SGCZ: variants seen among roughly 807,000 people sequenced by gnomAD.
SGCZ encodes the protein zeta-sarcoglycan.
SGCZ carries 40 observed loss-of-function variants against 41.3 expected under a neutral mutation model. The ratio of observed to expected loss-of-function variants is 0.97; its 90% CI spans 0.75 to 1.26. SGCZ has a LOEUF of 1.26. SGCZ is among the 50% of genes most tolerant of loss of function. The probability of loss-of-function intolerance (pLI) is 0.00; values close to 1 mark genes in which losing one functional copy is unlikely to be tolerated. For missense variants in SGCZ, 552 were observed against 369.8 expected (o/e 1.49, Z -4.04); for synonymous variants, 206 against 137.5 (o/e 1.50, Z -3.49).
intron 2 of SGCZ, among the ~76,000 whole-genome samples, chr8:14,341,921 G>A (rs945434598): frequency 1.8e-4 from 28 of 152,130 alleles, no homozygotes; most frequent in African/African-American, 6.5e-4. Flanking sequence ...GGCTTTATCA[G>A]CAGTGTGAAA....
At chr8:15,137,027 A>G (rs1191977202) in intron 1 of SGCZ, among the ~76,000 whole-genome samples, 2 of 152,194 alleles carry the variant, frequency 1.3e-5, no homozygotes, top group African/African-American at 4.8e-5. Context: ...AAGATGTGGG[A>G]AAGTTTGTAA....
At chr8:14,521,912 G>A (rs749144850) in intron 2 of SGCZ, among the ~76,000 whole-genome samples, 14 of 152,054 alleles carry the variant, frequency 9.2e-5, no homozygotes, top group African/African-American at 2.9e-4. Flanking sequence ...GATGCTGTAC[G>A]TCAATTTAAG....
chr8:14,961,929 T>C (rs1341428276), intron 1 of SGCZ, among the ~76,000 whole-genome samples: 1 of 152,238 alleles, frequency 6.6e-6, no homozygotes, highest in Non-Finnish European at 1.5e-5. Context: ...CATAATTTAC[T>C]GTGGCTTCTG....
chr8:14,641,334 T>G (rs1468812474), intron 1 of SGCZ, among the ~76,000 whole-genome samples: 1 of 151,776 alleles, frequency 6.6e-6, no homozygotes, highest in Non-Finnish European at 1.5e-5. Context: ...ATGGATGCAT[T>G]ATTCAAGCTG....
chr8:14,150,565 A>G (rs757817900), intron 5 of SGCZ, among the ~76,000 whole-genome samples: 1 of 152,078 alleles, frequency 6.6e-6, no homozygotes, highest in Non-Finnish European at 1.5e-5. Flanking sequence ...CTTGTATACT[A>G]TTGGAGGGAA....
chr8:15,086,455 C>G (rs1274825557), intron 1 of SGCZ, among the ~76,000 whole-genome samples: 1 of 152,086 alleles, frequency 6.6e-6, no homozygotes, highest in East Asian at 1.9e-4. Flanking sequence ...TGATTCAATA[C>G]CTATTGAATA....
chr8:14,933,170 C>G (rs538934770), intron 1 of SGCZ, among the ~76,000 whole-genome samples: 1 of 151,992 alleles, frequency 6.6e-6, no homozygotes, highest in South Asian at 2.1e-4. Flanking sequence ...AATTGTACAG[C>G]AAACGTCAGA....
intron 1 of SGCZ, among the ~76,000 whole-genome samples, chr8:15,099,798 T>A (rs544618231): frequency 6.6e-6 from 1 of 152,184 alleles, no homozygotes; most frequent in African/African-American, 2.4e-5. Flanking sequence ...TGGTTCAACA[T>A]TGAAAAATAA....
intron 2 of SGCZ, among the ~76,000 whole-genome samples, chr8:14,500,841 G>T (rs7828975): frequency 6.6e-6 from 1 of 151,554 alleles, no homozygotes; most frequent in Non-Finnish European, 1.5e-5. Context: ...GTTTTCATAT[G>T]TAACTCTTAT....
intron 1 of SGCZ, among the ~76,000 whole-genome samples, chr8:15,051,773 G>A (rs1804523026): frequency 1.3e-5 from 2 of 152,060 alleles, no homozygotes. Flanking sequence ...AGCTCCCTAG[G>A]TAATTATACT....
intron 2 of SGCZ, among the ~76,000 whole-genome samples, chr8:14,429,098 T>C (rs955208244): frequency 1.3e-5 from 2 of 152,196 alleles, no homozygotes; most frequent in African/African-American, 4.8e-5. Context: ...TTAGAATAGA[T>C]CACAGAACAT....
rs535833955 is a variant in SGCZ at position 14,614,508 on chromosome 8, C to G, written c.40-59582G>C. Among the ~76,000 whole-genome samples the G allele has an allele frequency of 2.0e-5, 3 of 152,120 alleles. No homozygotes were observed. The South Asian group carries it at 6.2e-4, about 32-fold the overall frequency. ...ATTTTATTCAGAAAAATATTTGTAGCCTTTTATCTTTCAAGATATATCTAT... is the reference window on the plus strand; with the variant it reads ...ATTTTATTCAGAAAAATATTTGTAGGCTTTTATCTTTCAAGATATATCTAT... On this transcript the variant is annotated intron_variant, in intron 1 of 7. Coordinates refer to ENST00000382080, the MANE Select transcript of SGCZ (RefSeq NM_139167.4).
intron 1 of SGCZ, among the ~76,000 whole-genome samples, chr8:15,182,052 G>C (rs1053310872): frequency 6.6e-6 from 1 of 152,102 alleles, no homozygotes; most frequent in Admixed American, 6.6e-5. Flanking sequence ...TGAAAAAATA[G>C]AGGAAACCAT....
intron 2 of SGCZ, among the ~76,000 whole-genome samples, chr8:14,438,893 T>C (rs957600099): frequency 2.5e-4 from 38 of 152,104 alleles, no homozygotes; most frequent in African/African-American, 8.9e-4. Context: ...TGACAGAGAG[T>C]ATATTATAAT....
chr8:14,640,801 A>G (rs1305841827), intron 1 of SGCZ, among the ~76,000 whole-genome samples: 2 of 151,634 alleles, frequency 1.3e-5, no homozygotes, highest in African/African-American at 4.8e-5. Context: ...CAGTCAAAGC[A>G]CATCTCATCT....
chr8:15,193,137 C>T (rs1287979151), intron 1 of SGCZ, among the ~76,000 whole-genome samples: 1 of 152,056 alleles, frequency 6.6e-6, no homozygotes, highest in Admixed American at 6.5e-5. Context: ...GAAAGGCTAA[C>T]ATCCTTTGAG....
intron 1 of SGCZ, among the ~76,000 whole-genome samples, chr8:14,584,194 C>A (rs1008979717): frequency 1.3e-5 from 2 of 151,968 alleles, no homozygotes; most frequent in African/African-American, 4.8e-5. Flanking sequence ...ACTTGAGAGG[C>A]AGATGAATTA....
chr8:15,072,613 C>A (rs1241070350), intron 1 of SGCZ, among the ~76,000 whole-genome samples: 2 of 152,044 alleles, frequency 1.3e-5, no homozygotes, highest in African/African-American at 4.8e-5. Context: ...AAATTTGGGA[C>A]AGAGGCCAGG....
intron 3 of SGCZ, among the ~76,000 whole-genome samples, chr8:14,292,962 T>TA (rs1800890344): frequency 1.3e-5 from 2 of 151,978 alleles, no homozygotes; most frequent in African/African-American, 4.8e-5. Flanking sequence ...TAGAAAACTT[T>TA]AAAAAGTTTT....
Sources: gnomAD v4.1 joint callset for allele counts (sites outside exome capture counted in the v4.1 genomes callset) on GRCh38, gnomAD v4.1.1 for gene constraint, MANE v1.5 for transcripts, NCBI Gene and HGNC (gene_info 2026-07-23, HGNC 2026-07-21) for gene names.